Variants in GPR39 observed in about 807,000 individuals in gnomAD.
GPR39 encodes zinc sensing receptor.
Under a neutral mutation model 18.4 loss-of-function variants are expected in GPR39, and 23 were observed. That is an observed-to-expected ratio of 1.25 (90% CI 0.90 to 1.77). GPR39 has a LOEUF of 1.77. GPR39 is among the 40% of genes most tolerant of loss of function. The pLI is 0.00. For missense variants in GPR39, 647 were observed against 602.4 expected (o/e 1.07, Z -0.78); for synonymous variants, 280 against 257.9 (o/e 1.09, Z -0.82).
intron 1 of GPR39, among the ~76,000 whole-genome samples, chr2:132,638,678 CAT>C (rs1190883853): frequency 1.3e-5 from 2 of 152,232 alleles, no homozygotes; most frequent in East Asian, 1.9e-4. Flanking sequence ...CAAACACTAA[CAT>C]ATAAATTGAG....
chr2:132,461,269 C>T (rs1680825969), intron 1 of GPR39, among the ~76,000 whole-genome samples: 1 of 152,202 alleles, frequency 6.6e-6, no homozygotes, highest in African/African-American at 2.4e-5. Context: ...TCTTACCTCA[C>T]AACTCTCTCT....
chr2:132,452,322 G>C (rs1680644634), intron 1 of GPR39, among the ~76,000 whole-genome samples: 1 of 151,992 alleles, frequency 6.6e-6, no homozygotes, highest in Non-Finnish European at 1.5e-5. Context: ...TTTTATTTCT[G>C]GAAAATGTAT....
chr2:132,577,169 C>A (rs953542755), intron 1 of GPR39, among the ~76,000 whole-genome samples: 11 of 151,868 alleles, frequency 7.2e-5, no homozygotes, highest in African/African-American at 2.7e-4. Context: ...CCAGCCTGGG[C>A]AACACGGTGA....
intron 1 of GPR39, among the ~76,000 whole-genome samples, chr2:132,506,704 A>G (rs1450982605): frequency 6.6e-6 from 1 of 152,166 alleles, no homozygotes. Flanking sequence ...CAAGAACAGC[A>G]TGGAGGTAAC....
chr2:132,417,779 T>C lies in GPR39; in HGVS notation c.737T>C (p.Met246Thr), dbSNP rs1382252514. The change falls in exon 1 of 2, where the codon ATG becomes ACG. Residue 246 changes from methionine (M) to threonine (T), a missense_variant. Coordinates refer to ENST00000329321, the MANE Select transcript of GPR39 (RefSeq NM_001508.3). ...LSVAFMCWNM[M>T]QVLMKSQKGS... The stretch of plus-strand genomic sequence containing the variant: ...GTAGCCTTCATGTGCTGGAACATGA[T>C]GCAGGTGCTCATGAAAAGCCAGAAG... 2.5e-6 allele frequency: 4 copies of C among 1,614,080 alleles called. No individual in the cohort carries two copies. The highest frequency in any genetic ancestry group is 1.3e-5 in the African/African-American group (1 of 74,946).
intron 1 of GPR39, among the ~76,000 whole-genome samples, chr2:132,526,065 T>C (rs989025191): frequency 6.6e-6 from 1 of 152,194 alleles, no homozygotes; most frequent in East Asian, 1.9e-4. Context: ...GGATATTTAC[T>C]ATAACTTACT....
chr2:132,643,120 CTGT>C (rs1321867792), intron 1 of GPR39, among the ~76,000 whole-genome samples: 4 of 151,352 alleles, frequency 2.6e-5, no homozygotes, highest in Admixed American at 6.6e-5. Flanking sequence ...TTTGTTGTTG[CTGT>C]TGTTGTTCCT....
Position 132,416,920 on chromosome 2 carries a change from C to G in GPR39, c.-123C>G, listed in dbSNP as rs1291917068. 1 of 1,249,096 alleles carries G rather than the reference C, an allele frequency of 8.0e-7. No individual in the cohort carries two copies. Among genetic ancestry groups the G allele is most frequent in the African/African-American group, 1.5e-5 (1 of 66,870 alleles). The allele number at this position is 1,249,096 out of a possible 1,614,324, so 77.4% of individuals were successfully genotyped here. ...TACTAAGTTACCTTCGCGAGGAGAA[C>G]TCGAGTGAGATAAAATCGTGCGCCC... On this transcript the variant is annotated 5_prime_UTR_variant, in exon 1 of 2. Coordinates refer to ENST00000329321, the MANE Select transcript of GPR39 (RefSeq NM_001508.3).
At chr2:132,487,099 G>A (rs1444455190) in intron 1 of GPR39, among the ~76,000 whole-genome samples, 1 of 152,126 alleles carries the variant, frequency 6.6e-6, no homozygotes, top group African/African-American at 2.4e-5. Context: ...GAGAGAGATG[G>A]GGGAATGGCC....
chr2:132,433,453 C>T (rs979716972), intron 1 of GPR39, among the ~76,000 whole-genome samples: 3 of 152,092 alleles, frequency 2.0e-5, no homozygotes, highest in Non-Finnish European at 2.9e-5. Context: ...AAAGTGATCT[C>T]GTGGGCTTCT....
intron 1 of GPR39, among the ~76,000 whole-genome samples, chr2:132,441,065 A>G (rs905733346): frequency 6.6e-6 from 1 of 152,252 alleles, no homozygotes; most frequent in African/African-American, 2.4e-5. Flanking sequence ...CATGCTCATA[A>G]GAAGCCTGCC....
rs540022687 is a variant in GPR39, at chr2:132,548,830, T to C, written c.857-96271T>C. ...ATTATTATTATCACTACTCTTATCA[T>C]TATGCAGTCTAAATTCTATGCCTGG... On this transcript the variant is annotated intron_variant, in intron 1 of 1. Coordinates refer to ENST00000329321, the MANE Select transcript of GPR39 (RefSeq NM_001508.3). Among the ~76,000 whole-genome samples the C allele has an allele frequency of 5.3e-4, 81 of 152,332 alleles. 1 individual carries two copies. The highest frequency in any genetic ancestry group is 1.9e-3 in the African/African-American group (79 of 41,582).
chr2:132,588,134 C>T (rs573990813), intron 1 of GPR39, among the ~76,000 whole-genome samples: 5 of 152,116 alleles, frequency 3.3e-5, no homozygotes, highest in South Asian at 4.2e-4. Context: ...AAGGTGTTTG[C>T]GATTGTGATG....
intron 1 of GPR39, among the ~76,000 whole-genome samples, chr2:132,510,238 A>G (rs949150536): frequency 1.1e-4 from 17 of 152,298 alleles, no homozygotes; most frequent in Admixed American, 2.0e-4. Flanking sequence ...GTCTGTGTCC[A>G]GTGAGACAAA....
In GPR39 at chr2:132,645,131, G is replaced by T. The variant is rs1558870333; in HGVS notation, c.887G>T (p.Trp296Leu). The change falls in exon 2 of 2, where the codon TGG becomes TTG. Residue 296 changes from tryptophan (W) to leucine (L), a missense_variant. Transcript: ENST00000329321. The stretch of plus-strand genomic sequence containing the variant: ...ATTGTTGTGACATTGGCCGTATGCT[G>T]GATGCCCAACCAGATTCGGAGGATC... Reference protein sequence around the residue: ...RLIVVTLAVCWMPNQIRRIMA... With the variant: ...RLIVVTLAVCLMPNQIRRIMA... 1 of 1,613,868 alleles carries T rather than the reference G, an allele frequency of 6.2e-7. No individual in the cohort carries two copies. The highest frequency in any genetic ancestry group is 1.1e-5 in the South Asian group (1 of 91,022).
intron 1 of GPR39, among the ~76,000 whole-genome samples, chr2:132,577,547 A>T (rs1680551183): frequency 6.6e-6 from 1 of 152,114 alleles, no homozygotes; most frequent in Admixed American, 6.6e-5. Flanking sequence ...GTTTATTTAG[A>T]TATTTGATTT....
intron 1 of GPR39, among the ~76,000 whole-genome samples, chr2:132,425,885 C>G (rs1233379274): frequency 1.3e-5 from 2 of 152,072 alleles, no homozygotes; most frequent in South Asian, 4.2e-4. Context: ...AATTCCCCCC[C>G]AGAACTTCTA....
chr2:132,462,457 C>A (rs1056391863), intron 1 of GPR39, among the ~76,000 whole-genome samples: 2 of 152,270 alleles, frequency 1.3e-5, no homozygotes, highest in South Asian at 4.1e-4. Context: ...TCTAAGGGGG[C>A]AGAGTAGGGA....
intron 1 of GPR39, among the ~76,000 whole-genome samples, chr2:132,558,098 G>T (rs1017935644): frequency 6.6e-5 from 10 of 152,130 alleles, no homozygotes; most frequent in African/African-American, 2.4e-4. Flanking sequence ...TGGGACTCAT[G>T]CTGATCCAGT....
Sources: allele counts gnomAD v4.1 joint callset (sites outside exome capture counted in the v4.1 genomes callset), GRCh38; gene constraint gnomAD v4.1.1; transcripts MANE v1.5; gene names NCBI Gene and HGNC (gene_info 2026-07-23, HGNC 2026-07-21).